UPF3A: variants seen among roughly 807,000 people sequenced by gnomAD.
UPF3A encodes UPF3A regulator of nonsense mediated mRNA decay, also known as regulator of nonsense transcripts 3A.
UPF3A carries 42 observed loss-of-function variants against 53.5 expected under a neutral mutation model. The ratio of observed to expected loss-of-function variants is 0.78; its 90% confidence interval spans 0.61 to 1.01. UPF3A has a LOEUF of 1.01. Among genes scored for constraint, UPF3A ranks in the 50% least tolerant of loss-of-function variants. The probability of loss-of-function intolerance (pLI) is 0.00; values close to 1 mark genes in which losing one functional copy is unlikely to be tolerated. For synonymous variants in UPF3A, 237 were observed against 225.3 expected, an observed-to-expected ratio of 1.05 and a Z score of -0.47; for missense variants, 575 against 598.0, an observed-to-expected ratio of 0.96 and a Z score of 0.40.
intron 7 of UPF3A, among the ~76,000 whole-genome samples, chr13:114,295,375 C>T (rs2085823989): frequency 1.3e-5 from 2 of 150,164 alleles, no homozygotes; most frequent in Non-Finnish European, 3.0e-5. Context: ...CTCTGGCGTG[C>T]TCCCCAGCTC....
intron 7 of UPF3A, 29 bp downstream of exon 7, chr13:114,291,821 C>A: frequency 6.4e-7 from 1 of 1,561,150 alleles, no homozygotes; most frequent in Non-Finnish European, 8.6e-7. Context: ...TTCCTTTTTC[C>A]AAAAATAGCT....
rs2085287333 is a variant in UPF3A at position 114,291,723 on chromosome 13, AGAAG to A, written c.778_781del (p.Glu260LysfsTer19). On this transcript the variant is annotated frameshift_variant, in exon 7 of 10. Transcript: ENST00000375299. LOFTEE classifies it high-confidence loss of function. Reference sequence around the variant, plus strand: ...AAGAGGAAAAAAGAAGAAGAAGAGAAGAAGAAAGATGCAAAAAAAAAGAGACAGA... The same window carrying A: ...AAGAGGAAAAAAGAAGAAGAAGAGAAAAAGATGCAAAAAAAAAGAGACAGA... The A allele has an allele frequency of 1.2e-6, 2 of 1,600,544 alleles. No homozygotes were observed. Among genetic ancestry groups the A allele is most frequent in the Non-Finnish European group, 1.7e-6 (2 of 1,170,272 alleles).
intron 8 of UPF3A, among the ~76,000 whole-genome samples, chr13:114,300,758 C>T (rs528792109): frequency 6.6e-6 from 1 of 152,074 alleles, no homozygotes; most frequent in Non-Finnish European, 1.5e-5. Context: ...AGGCTGGTCT[C>T]GAACTCCTGA....
chr13:114,294,456 G>A (rs188335979), intron 7 of UPF3A, among the ~76,000 whole-genome samples: 3 of 152,128 alleles, frequency 2.0e-5, no homozygotes, highest in Admixed American at 6.5e-5. Context: ...AGAAGTGGGG[G>A]TCTCACTATG....
intron 5 of UPF3A, chr13:114,287,253 TCTC>T (rs1408581349): frequency 1.3e-5 from 2 of 152,582 alleles, no homozygotes; most frequent in Admixed American, 6.5e-5. Context: ...GTGTTTCTCT[TCTC>T]TGTGGATCTC....
At chr13:114,295,051 G>C (rs926973343) in intron 7 of UPF3A, among the ~76,000 whole-genome samples, 1 of 149,996 alleles carries the variant, frequency 6.7e-6, no homozygotes, top group Non-Finnish European at 1.5e-5. Flanking sequence ...GGCGGAGCTT[G>C]CAGTGAGCCA....
chr13:114,282,716 A>C (rs2084234785), intron 2 of UPF3A, 121 bp from the exon 3 acceptor site: 1 of 1,497,846 alleles, frequency 6.7e-7, no homozygotes, highest in Non-Finnish European at 8.8e-7. Context: ...ATTAACTGAG[A>C]TGATTTGGCA....
In UPF3A at chr13:114,298,904, A is replaced by C; in HGVS notation, c.911A>C (p.Glu304Ala). 1 of 1,605,924 alleles carries C rather than the reference A, an allele frequency of 6.2e-7. No individual in the cohort carries two copies. Among genetic ancestry groups the C allele is most frequent in the South Asian group, 1.1e-5 (1 of 89,440 alleles). ...GAGAAACCAAAAGAAAGAGGAGAGG[A>C]GATTGATACTGGAGGTGGCAAGCAG... ...TTEKPKERGE[E>A]IDTGGGKQES... Residue 304 changes from glutamate (E) to alanine (A), a missense_variant, in exon 8 of 10, where the codon GAG becomes GCG. Around this residue, in one of 2 missense-constraint regions of UPF3A, gnomAD observed 323 missense variants for 415.2 expected, o/e 0.78. Transcript: ENST00000375299.
intron 1 of UPF3A, 63 bp downstream of exon 1, chr13:114,281,909 G>GGAGGGAGGGGAGGGAGGA: frequency 9.4e-7 from 1 of 1,065,554 alleles, no homozygotes; most frequent in African/African-American, 1.9e-5. Context: ...TGGAGGGAGG[G>GGAGGGAGGGGAGGGAGGA]GAGGGAGGGG....
chr13:114,284,036 T>A, intron 3 of UPF3A: 3 of 985,476 alleles, frequency 3.0e-6, no homozygotes, highest in Non-Finnish European at 3.6e-6. Flanking sequence ...GCTCATTTAT[T>A]CAGTAACTTA....
At chr13:114,284,291 G>A (rs1236103868) in intron 3 of UPF3A, among the ~76,000 whole-genome samples, 6 of 152,110 alleles carry the variant, frequency 3.9e-5, no homozygotes, top group African/African-American at 1.4e-4. Flanking sequence ...GAACCTGGGA[G>A]GCGGAGGTTG....
intron 7 of UPF3A, among the ~76,000 whole-genome samples, chr13:114,294,886 G>A (rs2139284545): frequency 6.6e-6 from 1 of 150,650 alleles, no homozygotes; most frequent in Admixed American, 6.6e-5. Context: ...GCCGAGGTGG[G>A]CGGATCATTA....
At chr13:114,283,877 G>T in intron 3 of UPF3A, 1 of 985,332 alleles carries the variant, frequency 1.0e-6, no homozygotes, top group Non-Finnish European at 1.2e-6. Flanking sequence ...ACCCTCTTCC[G>T]ACTCCACGTG....
intron 7 of UPF3A, among the ~76,000 whole-genome samples, chr13:114,298,129 T>C (rs1425263533): frequency 6.6e-6 from 1 of 152,110 alleles, no homozygotes; most frequent in Non-Finnish European, 1.5e-5. Flanking sequence ...CCCAGCACTT[T>C]GGGAGGCCAG....
chr13:114,289,626 A>G (rs1256276457), intron 5 of UPF3A, among the ~76,000 whole-genome samples: 3 of 152,094 alleles, frequency 2.0e-5, no homozygotes, highest in Non-Finnish European at 4.4e-5. Context: ...TCTGAGAAGC[A>G]AGTGTTAAAT....
chr13:114,282,223 C>T (rs2084147707), intron 2 of UPF3A, 96 bp downstream of exon 2: 2 of 1,088,348 alleles, frequency 1.8e-6, no homozygotes, highest in Non-Finnish European at 2.6e-6. Flanking sequence ...CTGATTTCTC[C>T]TATATGGGAG....
intron 5 of UPF3A, chr13:114,287,373 C>G (rs1173015527): frequency 6.6e-6 from 1 of 152,322 alleles, no homozygotes; most frequent in Non-Finnish European, 1.5e-5. Context: ...GGGCGGATCA[C>G]AAGGTCAGGA....
rs562224297 is a variant in UPF3A at position 114,305,617 on chromosome 13, G to A, written c.*700G>A. On this transcript the variant is annotated 3_prime_UTR_variant, in exon 10 of 10. Transcript: ENST00000375299. ...GCCCAAATAACAGAAATTTTGTTCG[G>A]GAAGGGATAAACTAGATATAGCATA... 89 of 153,206 alleles carry A rather than the reference G, an allele frequency of 5.8e-4. 1 individual carries two copies. Among genetic ancestry groups the A allele is most frequent in the South Asian group, 5.8e-3 (28 of 4,852 alleles). 9.5% of individuals were successfully genotyped at this position (153,206 alleles called of 1,614,324 possible). A position where few individuals can be genotyped will look rare whatever the true frequency, so the allele number is the denominator to read the frequency against.
chr13:114,284,823 T>C (rs137972110), intron 3 of UPF3A, among the ~76,000 whole-genome samples: 35 of 152,274 alleles, frequency 2.3e-4, no homozygotes, highest in Middle Eastern at 3.4e-3. Flanking sequence ...TTGTTGTCGT[T>C]GTTTTGTTTT....
Sources: gnomAD v4.1 joint callset for allele counts (sites outside exome capture counted in the v4.1 genomes callset) on GRCh38, gnomAD v4.1.1 for gene constraint, gnomAD v4.1.1 regional missense constraint, MANE v1.5 for transcripts, NCBI Gene and HGNC (gene_info 2026-07-23, HGNC 2026-07-21) for gene names.